The following ADGRG3 variants were observed in gnomAD, a reference collection of about 807,000 sequenced individuals.
The protein encoded by ADGRG3 is G protein-coupled receptor 97.
Under a neutral mutation model 54.3 loss-of-function variants are expected in ADGRG3, and 39 were observed. The observed-to-expected ratio is 0.72, with a 90% CI of 0.56 to 0.94. The LOEUF (loss-of-function observed/expected upper bound fraction) is 0.94, where lower values mean the gene tolerates loss of function less well. ADGRG3 is among the 40% of genes least tolerant of loss of function. The probability of loss-of-function intolerance (pLI) is 0.00; values close to 1 mark genes in which losing one functional copy is unlikely to be tolerated. For missense variants in ADGRG3, 654 were observed against 694.6 expected (o/e 0.94, Z 0.66); for synonymous variants, 312 against 290.0 (o/e 1.08, Z -0.77).
chr16:57,670,950 C>T (rs1341590619), intron 1 of ADGRG3, among the ~76,000 whole-genome samples: 16 of 152,256 alleles, frequency 1.1e-4, no homozygotes, highest in African/African-American at 3.6e-4. Flanking sequence ...CCCGCCTCAG[C>T]CCCCAGCACC....
rs114914563 is a variant in ADGRG3 at position 57,688,841 on chromosome 16, T to C, written c.*380T>C. On this transcript the variant is annotated 3_prime_UTR_variant, in exon 12 of 12. Transcript: ENST00000333493. ...CCCCAGCCTCTCCCCTCCTCCTCCTTGTCACTGGCCTCCCACAACTCCCCT... is the reference window on the plus strand; with the variant it reads ...CCCCAGCCTCTCCCCTCCTCCTCCTCGTCACTGGCCTCCCACAACTCCCCT... 5.8e-3 allele frequency: 994 copies of C among 172,534 alleles called. 8 individuals are homozygous for C. The highest frequency in any genetic ancestry group is 0.019 in the African/African-American group (784 of 42,350). The allele number at this position is 172,534 out of a possible 1,614,324, so 10.7% of individuals were successfully genotyped here.
chr16:57,681,440 G>T lies in ADGRG3; in HGVS notation c.881+823G>T, dbSNP rs1290282257. Among the ~76,000 whole-genome samples the T allele has an allele frequency of 2.0e-5, 3 of 152,228 alleles. 1 individual carries two copies. Among genetic ancestry groups the T allele is most frequent in the South Asian group, 4.1e-4 (2 of 4,820 alleles). The stretch of plus-strand genomic sequence containing the variant: ...CCAGTCCAAAATGAAAATAAAGAAG[G>T]CTGGGCGTAGTAGCTCATGCCTGTA... On this transcript the variant is annotated intron_variant, in intron 8 of 11. Transcript: ENST00000333493.
intron 8 of ADGRG3, among the ~76,000 whole-genome samples, chr16:57,683,042 C>G (rs1366445218): frequency 2.0e-5 from 3 of 152,208 alleles, no homozygotes; most frequent in African/African-American, 7.2e-5. Context: ...CAGAGATGGC[C>G]TCCCCAGAAG....
In ADGRG3 at chr16:57,684,401, CT is replaced by C; in HGVS notation, c.1175del (p.Leu392ArgfsTer97). ...LSLVGWGLPALMVIGTGSANS... is the reference protein window; with the variant it reads ...LSLVGWGLPAXMVIGTGSANS... ...CCCCTTGTGCCCAGGCCTGCCCGCC[CT>C]GATGGTCATCGGCACTGGGAGTGCC... On this transcript the variant is annotated frameshift_variant, in exon 10 of 12. Coordinates refer to ENST00000333493, the MANE Select transcript of ADGRG3 (RefSeq NM_170776.5). LOFTEE classifies it high-confidence loss of function. 1 of 1,613,832 alleles carries C rather than the reference CT, an allele frequency of 6.2e-7. No homozygotes were observed. The highest frequency in any genetic ancestry group is 8.5e-7 in the Non-Finnish European group (1 of 1,179,830).
chr16:57,677,349 A>G (rs2048281850), intron 3 of ADGRG3, among the ~76,000 whole-genome samples: 1 of 152,184 alleles, frequency 6.6e-6, no homozygotes, highest in Admixed American at 6.5e-5. Flanking sequence ...TTGGGAGGCC[A>G]AGGCGGACGG....
At chr16:57,668,051 GC>G (rs2048084982), upstream of ADGRG3, 29 of 515,528 alleles carry the variant, frequency 5.6e-5, no homozygotes, top group South Asian at 7.1e-4. Context: ...TGGCCACCCA[GC>G]CCCTAGCCCC....
At chr16:57,679,105 T>C (rs1022410392) in intron 4 of ADGRG3, 72 bp from the exon 5 acceptor site, 3 of 1,570,810 alleles carry the variant, frequency 1.9e-6, no homozygotes, top group Non-Finnish European at 2.6e-6. Context: ...TGGAGGCTCC[T>C]AGGAACCCCA....
At chr16:57,687,312 A>T (rs1462786180) in intron 11 of ADGRG3, among the ~76,000 whole-genome samples, 4 of 151,478 alleles carry the variant, frequency 2.6e-5, no homozygotes, top group African/African-American at 9.7e-5. Flanking sequence ...GTGCAGTGGC[A>T]CGATCTCAGC....
At chr16:57,682,951 G>A (rs1464472648) in intron 8 of ADGRG3, among the ~76,000 whole-genome samples, 2 of 152,246 alleles carry the variant, frequency 1.3e-5, no homozygotes, top group Non-Finnish European at 2.9e-5. Context: ...CACAGCATGG[G>A]AAAGACCCGA....
At chr16:57,671,715 A>G (rs1361664460) in intron 1 of ADGRG3, among the ~76,000 whole-genome samples, 1 of 152,220 alleles carries the variant, frequency 6.6e-6, no homozygotes, top group Non-Finnish European at 1.5e-5. Context: ...TTCTCAACAC[A>G]AGCTGAAAAG....
intron 3 of ADGRG3, among the ~76,000 whole-genome samples, 162 bp from the exon 4 acceptor site, chr16:57,678,008 G>A (rs907828414): frequency 6.6e-6 from 1 of 152,250 alleles, no homozygotes; most frequent in Non-Finnish European, 1.5e-5. Context: ...CCTGTGAGGA[G>A]CAGAGCTTGC....
rs999783658 is a variant in ADGRG3, at chr16:57,677,535, T to A, written c.346-635T>A. On this transcript the variant is annotated intron_variant, in intron 3 of 11. Transcript: ENST00000333493. ...AGGCGGAGGTTGCACTGAGCTGAGA[T>A]AGCGCCATTGCACTCCAGCCTGGGC... 9.2e-5 allele frequency among the ~76,000 whole-genome samples: 14 copies of A among 152,146 alleles called. No homozygotes were observed. The East Asian group carries it at 2.7e-3, about 29-fold the overall frequency.
At chr16:57,670,278 G>A (rs2048130143) in intron 1 of ADGRG3, among the ~76,000 whole-genome samples, 1 of 152,208 alleles carries the variant, frequency 6.6e-6, no homozygotes, top group Admixed American at 6.5e-5. Context: ...TACATGAAAT[G>A]CTTGCAGTGT....
intron 3 of ADGRG3, 101 bp from the exon 4 acceptor site, chr16:57,678,068 GC>G (rs755843156): frequency 5.1e-4 from 731 of 1,440,680 alleles, no homozygotes; most frequent in Non-Finnish European, 6.5e-4. Context: ...CCCAGGTGCT[GC>G]CCCCTACCCA....
chr16:57,680,422 TG>T (rs2148707722), intron 7 of ADGRG3, 57 bp downstream of exon 7: 1 of 1,567,144 alleles, frequency 6.4e-7, no homozygotes, highest in South Asian at 1.1e-5. Context: ...GCTCCTGCCC[TG>T]GGGAGGGGGC....
upstream of ADGRG3, chr16:57,668,274 G>A: frequency 1.5e-6 from 2 of 1,290,942 alleles, no homozygotes; most frequent in South Asian, 2.5e-5. Flanking sequence ...GTGGGGGCAG[G>A]CCAGCTCAGC....
chr16:57,669,263 T>C (rs978968764), intron 1 of ADGRG3, among the ~76,000 whole-genome samples: 2 of 152,266 alleles, frequency 1.3e-5, no homozygotes, highest in Non-Finnish European at 2.9e-5. Flanking sequence ...TCGCGTGACT[T>C]TGGCCACATA....
intron 8 of ADGRG3, among the ~76,000 whole-genome samples, chr16:57,683,062 A>C (rs760382495): frequency 7.2e-5 from 11 of 152,250 alleles, no homozygotes; most frequent in Non-Finnish European, 1.3e-4. Context: ...GGAAACCTCC[A>C]AGGGGCATTT....
rs190686956 is a variant in ADGRG3 at position 57,683,491 on chromosome 16, G to A, written c.882-441G>A. On this transcript the variant is annotated intron_variant, in intron 8 of 11. Coordinates refer to ENST00000333493, the MANE Select transcript of ADGRG3 (RefSeq NM_170776.5). The stretch of plus-strand genomic sequence containing the variant: ...TTGGTCCGGATCTTGCCGGCCACGG[G>A]GTCCCTTTTTTATGTCACTTTTGTC... Among the ~76,000 whole-genome samples, 96 of 152,234 alleles carry A rather than the reference G, an allele frequency of 6.3e-4. 1 individual carries two copies. The East Asian group carries it at 0.012, about 20-fold the overall frequency.
Sources: allele counts gnomAD v4.1 joint callset (sites outside exome capture counted in the v4.1 genomes callset), GRCh38; gene constraint gnomAD v4.1.1; transcripts MANE v1.5; gene names NCBI Gene and HGNC (gene_info 2026-07-23, HGNC 2026-07-21).